Variants in RIPOR2 observed in about 807,000 individuals in gnomAD.
The protein encoded by RIPOR2 is rho family-interacting cell polarization regulator 2.
A neutral mutation model predicts 114.5 loss-of-function variants in RIPOR2; 39 were observed. The ratio of observed to expected loss-of-function variants is 0.34; its 90% CI spans 0.26 to 0.44. The LOEUF is 0.44. Among genes scored for constraint, RIPOR2 ranks in the 20% least tolerant of loss-of-function variants. RIPOR2 has a pLI of 1.00. For missense variants in RIPOR2, 1,007 were observed against 1,255.1 expected (o/e 0.80, Z 2.99); for synonymous variants, 445 against 484.4 (o/e 0.92, Z 1.07).
intron 17 of RIPOR2, 87 bp from the exon 18 acceptor site, chr6:24,828,382 AT>A: frequency 8.3e-7 from 1 of 1,198,898 alleles, no homozygotes; most frequent in Non-Finnish European, 1.1e-6. Flanking sequence ...TTTTATTTTT[AT>A]TTTAGAGACA....
At chr6:24,867,595 G>A (rs1397788512) in intron 6 of RIPOR2, among the ~76,000 whole-genome samples, 1 of 152,114 alleles carries the variant, frequency 6.6e-6, no homozygotes, top group Non-Finnish European at 1.5e-5. Context: ...TTTCAATAAG[G>A]AGACAGTGCC....
intron 1 of RIPOR2, among the ~76,000 whole-genome samples, chr6:24,984,595 G>A (rs527904541): frequency 6.6e-6 from 1 of 151,502 alleles, no homozygotes; most frequent in African/African-American, 2.4e-5. Flanking sequence ...CTACTTGGGA[G>A]GTTTGAGCCC....
chr6:25,011,770 A>G (rs1775783738), intron 1 of RIPOR2, among the ~76,000 whole-genome samples: 1 of 152,246 alleles, frequency 6.6e-6, no homozygotes, highest in East Asian at 1.9e-4. Flanking sequence ...AGCTAAAACT[A>G]TAAAACTCTT....
chr6:24,831,007 C>T (rs958859185), intron 16 of RIPOR2, among the ~76,000 whole-genome samples: 4 of 152,036 alleles, frequency 2.6e-5, no homozygotes, highest in African/African-American at 7.2e-5. Flanking sequence ...TGAGCCACCA[C>T]GCCTGGCCAT....
chr6:24,979,283 CTTTTTTTTTTTT>C (rs60372040), intron 1 of RIPOR2, among the ~76,000 whole-genome samples: 1 of 99,462 alleles, frequency 1.0e-5, no homozygotes, highest in Non-Finnish European at 2.0e-5. Context: ...TAGGGAAATT[CTTTTTTTTTTTT>C]TTTTTTTTTT....
At chr6:24,974,519 G>A (rs973633346) in intron 1 of RIPOR2, among the ~76,000 whole-genome samples, 4 of 152,288 alleles carry the variant, frequency 2.6e-5, no homozygotes, top group South Asian at 2.1e-4. Flanking sequence ...AATCACAAGC[G>A]TTGAGGAAGA....
intron 16 of RIPOR2, among the ~76,000 whole-genome samples, chr6:24,831,516 G>C (rs1760690129): frequency 6.6e-6 from 1 of 152,144 alleles, no homozygotes; most frequent in South Asian, 2.1e-4. Context: ...TGGGAGAGGA[G>C]AGGACACAAG....
At chr6:24,937,907 C>A (rs1230642143), upstream of RIPOR2, among the ~76,000 whole-genome samples, 1 of 152,100 alleles carries the variant, frequency 6.6e-6, no homozygotes, top group East Asian at 1.9e-4. Flanking sequence ...CTCTTGGGGA[C>A]CTGCACTACC....
intron 9 of RIPOR2, 27 bp downstream of exon 9, chr6:24,852,548 C>T (rs553281620): frequency 4.4e-6 from 7 of 1,591,128 alleles, no homozygotes; most frequent in South Asian, 2.2e-5. Context: ...TCCATAATTC[C>T]AGCACCTAGA....
intron 1 of RIPOR2, among the ~76,000 whole-genome samples, chr6:24,922,858 C>CAAA (rs869160864): frequency 3.8e-5 from 3 of 78,650 alleles, no homozygotes; most frequent in Admixed American, 3.1e-4. Flanking sequence ...AGGACAGTCT[C>CAAA]AAAAAAAAAA....
chr6:24,897,725 A>C (rs1405180474), intron 1 of RIPOR2, among the ~76,000 whole-genome samples: 1 of 152,106 alleles, frequency 6.6e-6, no homozygotes, highest in Admixed American at 6.5e-5. Flanking sequence ...AGTTACAGAG[A>C]ATCTTAAAGA....
intron 13 of RIPOR2, 86 bp from the exon 14 acceptor site, chr6:24,839,358 CT>C (rs138858451): frequency 5.8e-3 from 7,042 of 1,223,776 alleles, no homozygotes; most frequent in South Asian, 0.014. Context: ...AGATGCCACA[CT>C]TTTTTTTTTG....
Position 24,890,652 on chromosome 6 carries a change from T to TG in RIPOR2, c.62-14836_62-14835insC, listed in dbSNP as rs1178756370. The stretch of plus-strand genomic sequence containing the variant: ...CTTGGACCTTTGTACCCAATAGATT[T>TG]TTTTCTTTTTTTTTTTTTAAGAGAC... On this transcript the variant is annotated intron_variant, in intron 1 of 21. Transcript: ENST00000643898. Among the ~76,000 whole-genome samples, 7 of 150,784 alleles carry TG rather than the reference T, an allele frequency of 4.6e-5. No individual in the cohort carries two copies. The East Asian group carries it at 1.4e-3, about 29-fold the overall frequency.
intron 1 of RIPOR2, among the ~76,000 whole-genome samples, chr6:25,013,038 C>G (rs1418023918): frequency 1.4e-5 from 2 of 143,920 alleles, no homozygotes; most frequent in African/African-American, 5.1e-5. Flanking sequence ...TTTTTTTTTC[C>G]TTTTTCTTCC....
At chr6:24,864,413 G>C (rs1172065053) in intron 7 of RIPOR2, among the ~76,000 whole-genome samples, 1 of 152,144 alleles carries the variant, frequency 6.6e-6, no homozygotes, top group Admixed American at 6.5e-5. Flanking sequence ...GAGAAACTTG[G>C]TTTAGACAAG....
At position 24,818,617 on chromosome 6, in the gene RIPOR2, G is replaced by A. The variant is rs777870097; in HGVS notation, c.2877C>T (p.Leu959=). 6.5e-7 allele frequency: 1 copy of A among 1,547,980 alleles called. No homozygotes were observed. Among genetic ancestry groups the A allele is most frequent in the South Asian group, 1.2e-5 (1 of 83,588 alleles). ...KNQHFREKAL[L]YYCEALTKTN... Reference sequence around the variant, plus strand: ...TCTTTGTTAGTGCTTCACAGTAATAGAGCAAGGCCTGAAAGAGAAGGAGGG... The same window carrying A: ...TCTTTGTTAGTGCTTCACAGTAATAAAGCAAGGCCTGAAAGAGAAGGAGGG... The change falls in exon 20 of 22, where the codon CTC becomes CTT. Residue 959 remains leucine (L), a synonymous_variant. Transcript: ENST00000643898.
chr6:24,904,287 A>G (rs1290108696), intron 1 of RIPOR2, among the ~76,000 whole-genome samples: 1 of 152,126 alleles, frequency 6.6e-6, no homozygotes, highest in African/African-American at 2.4e-5. Context: ...TCGAGGAGAA[A>G]ATCTGTTTCC....
At chr6:24,869,203 G>C in intron 5 of RIPOR2, 56 bp from the exon 6 acceptor site, 1 of 843,198 alleles carries the variant, frequency 1.2e-6, no homozygotes, top group East Asian at 2.6e-5. Context: ...ATTGACTTAG[G>C]CTTGTGAGAA....
At chr6:24,849,555 A>G (rs2113770871) in intron 11 of RIPOR2, among the ~76,000 whole-genome samples, 1 of 152,338 alleles carries the variant, frequency 6.6e-6, no homozygotes, top group East Asian at 1.9e-4. Context: ...AATAGGAAGT[A>G]GAAGAGGAGA....
Sources: allele counts gnomAD v4.1 joint callset (sites outside exome capture counted in the v4.1 genomes callset), GRCh38; gene constraint gnomAD v4.1.1; transcripts MANE v1.5; gene names NCBI Gene and HGNC (gene_info 2026-07-23, HGNC 2026-07-21).